The following RGPD2 variants were observed in gnomAD, a reference collection of about 807,000 sequenced individuals.
RGPD2 encodes the protein RANBP2-like and GRIP domain-containing protein 2.
Under a neutral mutation model 36.0 loss-of-function variants are expected in RGPD2, and 2 were observed. That is an observed-to-expected ratio of 0.06 (90% confidence interval 0.02 to 0.17). The LOEUF is 0.17. Among genes scored for constraint, RGPD2 ranks in the 10% least tolerant of loss-of-function variants. The pLI is 1.00. For missense variants in RGPD2, 40 were observed against 464.3 expected, an observed-to-expected ratio of 0.09 and a Z score of 8.40; for synonymous variants, 19 against 163.8, an observed-to-expected ratio of 0.12 and a Z score of 6.75.
the RGPD2 span, among the ~76,000 whole-genome samples, chr2:87,943,990 G>A: frequency 2.0e-4 from 30 of 151,918 alleles, no homozygotes; most frequent in Admixed American, 1.8e-3. Flanking sequence ...GTTTCAATAC[G>A]AATTTCATGG....
the RGPD2 span, among the ~76,000 whole-genome samples, chr2:87,948,382 C>T: frequency 8.6e-3 from 1,192 of 139,158 alleles, 15 homozygotes; most frequent in Non-Finnish European, 0.011. Flanking sequence ...TTATTGTGTG[C>T]TTTTTTTTTT....
At chr2:87,929,439 A>G in the RGPD2 span, among the ~76,000 whole-genome samples, 1 of 136,332 alleles carries the variant, frequency 7.3e-6, no homozygotes, top group Admixed American at 7.2e-5. Flanking sequence ...GTGTTGTTTG[A>G]AGTTGGGTAG....
At chr2:87,940,694 AT>A in the RGPD2 span, among the ~76,000 whole-genome samples, 1 of 149,064 alleles carries the variant, frequency 6.7e-6, no homozygotes, top group Non-Finnish European at 1.5e-5. Context: ...GAAAGAAAAA[AT>A]TCTCCCTTTA....
chr2:87,834,765 T>C, the RGPD2 span, among the ~76,000 whole-genome samples: 2 of 152,090 alleles, frequency 1.3e-5, no homozygotes, highest in African/African-American at 4.8e-5. Context: ...ATTCATAAAA[T>C]GTTACATAGA....
At chr2:87,962,075 A>G in the RGPD2 span, among the ~76,000 whole-genome samples, 1 of 149,628 alleles carries the variant, frequency 6.7e-6, no homozygotes, top group Non-Finnish European at 1.5e-5. Context: ...AAATCTATAT[A>G]TATTTCACTA....
At chr2:87,809,613 G>T (rs1376222529) in intron 6 of RGPD2, among the ~76,000 whole-genome samples, 1 of 137,856 alleles carries the variant, frequency 7.3e-6, no homozygotes, top group Non-Finnish European at 1.6e-5. Flanking sequence ...ACAAGGGGGG[G>T]TAACAAAGGG....
At chr2:87,858,642 G>GT in the RGPD2 span, among the ~76,000 whole-genome samples, 1 of 140,272 alleles carries the variant, frequency 7.1e-6, no homozygotes, top group East Asian at 2.2e-4. Flanking sequence ...TATTTCTAGT[G>GT]TCTTGAGTTT....
At chr2:87,977,575 A>T in the RGPD2 span, among the ~76,000 whole-genome samples, 6 of 150,138 alleles carry the variant, frequency 4.0e-5, no homozygotes. Flanking sequence ...ACACTCTGGG[A>T]GGCTGAAATG....
the RGPD2 span, among the ~76,000 whole-genome samples, chr2:87,863,812 G>C: frequency 1.3e-5 from 2 of 151,900 alleles, no homozygotes; most frequent in African/African-American, 4.8e-5. Context: ...CTTTATATTA[G>C]TATTTAAATA....
the RGPD2 span, among the ~76,000 whole-genome samples, chr2:87,854,575 TCTGA>T: frequency 6.6e-6 from 1 of 150,832 alleles, no homozygotes; most frequent in East Asian, 2.0e-4. Context: ...ATCTTCCAGT[TCTGA>T]CTGTCTGGTA....
chr2:87,861,138 T>C, the RGPD2 span, among the ~76,000 whole-genome samples: 1 of 151,374 alleles, frequency 6.6e-6, no homozygotes, highest in Non-Finnish European at 1.5e-5. Flanking sequence ...GTAAGTGTTT[T>C]TTTTTTTTTT....
At chr2:87,972,806 AC>A in the RGPD2 span, 2 of 1,611,610 alleles carry the variant, frequency 1.2e-6, 1 homozygote, top group African/African-American at 2.7e-5. Flanking sequence ...TGGCTGCTGC[AC>A]CTACTACTAT....
chr2:87,917,251 A>C, the RGPD2 span, among the ~76,000 whole-genome samples: 1 of 144,588 alleles, frequency 6.9e-6, no homozygotes, highest in Non-Finnish European at 1.5e-5. Flanking sequence ...TTATAAAGAC[A>C]TTGTCTTCTA....
chr2:87,813,027 A>G (rs1475195605), intron 4 of RGPD2, among the ~76,000 whole-genome samples: 10 of 150,862 alleles, frequency 6.6e-5, no homozygotes, highest in Non-Finnish European at 1.5e-4. Context: ...TTATTCTTCC[A>G]CCTCACTGAG....
chr2:87,935,331 A>C, the RGPD2 span, among the ~76,000 whole-genome samples: 12 of 151,438 alleles, frequency 7.9e-5, no homozygotes, highest in Non-Finnish European at 1.5e-4. Flanking sequence ...AAAAACAACA[A>C]AGATATGAGA....
chr2:87,870,463 T>G, the RGPD2 span, among the ~76,000 whole-genome samples: 1 of 152,202 alleles, frequency 6.6e-6, no homozygotes, highest in Non-Finnish European at 1.5e-5. Context: ...CCAGCCAATA[T>G]TAAGTTGTTT....
chr2:87,854,772 C>T, the RGPD2 span, among the ~76,000 whole-genome samples: 1 of 151,962 alleles, frequency 6.6e-6, no homozygotes, highest in Admixed American at 6.6e-5. Context: ...TGTTTATTCA[C>T]CTATTGAAGG....
chr2:87,933,684 GTTTC>G, the RGPD2 span, among the ~76,000 whole-genome samples: 1 of 149,358 alleles, frequency 6.7e-6, no homozygotes, highest in African/African-American at 2.5e-5. Context: ...TAAGTTCTGA[GTTTC>G]TTTCCTCCAC....
intron 22 of RGPD2, among the ~76,000 whole-genome samples, chr2:87,762,474 G>A (rs1185730226): frequency 7.4e-6 from 1 of 134,920 alleles, no homozygotes; most frequent in Non-Finnish European, 1.5e-5. Flanking sequence ...CTCGGAAGTG[G>A]AGGTTGCAGT....
Sources: gnomAD v4.1 joint callset for allele counts (sites outside exome capture counted in the v4.1 genomes callset) on GRCh38, gnomAD v4.1.1 for gene constraint, MANE v1.5 for transcripts, NCBI Gene and HGNC (gene_info 2026-07-23, HGNC 2026-07-21) for gene names.